The following F13A1 variants were observed in gnomAD, a reference collection of about 807,000 sequenced individuals.
F13A1 encodes coagulation factor XIII A chain.
Under a neutral mutation model 80.1 loss-of-function variants are expected in F13A1, and 47 were observed. That is an observed-to-expected ratio of 0.59 (90% CI 0.46 to 0.75). The LOEUF (loss-of-function observed/expected upper bound fraction) is 0.75. F13A1 is among the 30% of genes least tolerant of loss of function. F13A1 has a pLI of 0.00. For synonymous variants in F13A1, 349 were observed against 344.9 expected, an observed-to-expected ratio of 1.01 and a Z score of -0.13; for missense variants, 817 against 930.4, an observed-to-expected ratio of 0.88 and a Z score of 1.59.
chr6:6,190,129 AT>A (rs1295747110), intron 10 of F13A1, among the ~76,000 whole-genome samples: 4 of 151,520 alleles, frequency 2.6e-5, no homozygotes, highest in Non-Finnish European at 5.9e-5. Flanking sequence ...ATTCTTCTAA[AT>A]TTTTTTCAAA....
intron 8 of F13A1, 135 bp from the exon 9 acceptor site, chr6:6,197,461 C>T (rs986196159): frequency 8.8e-5 from 69 of 781,640 alleles, no homozygotes; most frequent in Admixed American, 3.8e-4. Flanking sequence ...AGGTGAGTCA[C>T]AAGGTCAAGA....
chr6:6,229,786 A>T (rs925755303), intron 6 of F13A1, among the ~76,000 whole-genome samples: 11 of 152,346 alleles, frequency 7.2e-5, no homozygotes, highest in Admixed American at 4.6e-4. Flanking sequence ...CAACTATGCA[A>T]GTGGGAAAGG....
Position 6,266,450 on chromosome 6 carries a change from G to A in F13A1, c.571+108C>T, listed in dbSNP as rs567438292. ...AGGTCTCAAACTCCTGGCCTCAAGC[G>A]ATCCTCCCATCTTGGCCTCCCAAAG... On this transcript the variant is annotated intron_variant, in intron 4 of 14. Coordinates refer to ENST00000264870, the MANE Select transcript of F13A1 (RefSeq NM_000129.4). The A allele has an allele frequency of 7.6e-5, 118 of 1,551,686 alleles. No homozygotes were observed. The Middle Eastern group carries it at 1.5e-3, about 20-fold the overall frequency.
chr6:6,156,227 T>C lies in F13A1; in HGVS notation c.1909-4278A>G, dbSNP rs370326094. Among the ~76,000 whole-genome samples the C allele has an allele frequency of 3.3e-5, 5 of 152,358 alleles. No homozygotes were observed. The South Asian group carries it at 8.3e-4, about 25-fold the overall frequency. On this transcript the variant is annotated intron_variant, in intron 13 of 14. Coordinates refer to ENST00000264870, the MANE Select transcript of F13A1 (RefSeq NM_000129.4). Reference sequence around the variant, plus strand: ...TACATATCACTTACTGATATTGACATTCCTGTCCTTTATACTAATTCATGA... The same window carrying C: ...TACATATCACTTACTGATATTGACACTCCTGTCCTTTATACTAATTCATGA...
chr6:6,240,046 C>T lies in F13A1; in HGVS notation c.798+8266G>A, dbSNP rs955171818. Reference sequence around the variant, plus strand: ...CCCAGGAGACCAGAGCAGCACCAACCGCTCAGCTTGGAGGGAGTGCTGTAA... The same window carrying T: ...CCCAGGAGACCAGAGCAGCACCAACTGCTCAGCTTGGAGGGAGTGCTGTAA... On this transcript the variant is annotated intron_variant, in intron 6 of 14. Transcript: ENST00000264870. 7.2e-5 allele frequency among the ~76,000 whole-genome samples: 11 copies of T among 152,230 alleles called. No individual in the cohort carries two copies. In the East Asian group the frequency reaches 1.5e-3, roughly 21 times the overall value.
intron 3 of F13A1, among the ~76,000 whole-genome samples, chr6:6,269,496 AAAG>A (rs1389428413): frequency 2.0e-5 from 3 of 151,652 alleles, no homozygotes; most frequent in Non-Finnish European, 4.4e-5. Flanking sequence ...AGAAGTAAAA[AAAG>A]AAAAAAAAAA....
At position 6,187,666 on chromosome 6, in the gene F13A1, T is replaced by C. The variant is rs1234158418; in HGVS notation, c.1306-5525A>G. ...TTTTTGCATCAATGTTCATCAAGGA[T>C]ATTGGTCTAAAATTCTCTTTTTTTT... On this transcript the variant is annotated intron_variant, in intron 10 of 14. Coordinates refer to ENST00000264870, the MANE Select transcript of F13A1 (RefSeq NM_000129.4). Among the ~76,000 whole-genome samples, 4 of 72,514 alleles carry C rather than the reference T, an allele frequency of 5.5e-5. 1 individual carries two copies. The highest frequency in any genetic ancestry group is 1.1e-4 in the Non-Finnish European group (4 of 37,746). 47.6% of individuals were successfully genotyped at this position (72,514 alleles called of 152,430 possible).
At chr6:6,251,156 C>T (rs1757626870) in intron 4 of F13A1, among the ~76,000 whole-genome samples, 1 of 152,146 alleles carries the variant, frequency 6.6e-6, no homozygotes. Flanking sequence ...TAGCAAAATG[C>T]TGACGAACTC....
intron 13 of F13A1, among the ~76,000 whole-genome samples, chr6:6,157,593 T>C (rs1297791004): frequency 6.6e-6 from 1 of 152,210 alleles, no homozygotes; most frequent in Non-Finnish European, 1.5e-5. Context: ...ACCTCTCTCT[T>C]TTTGACTTTA....
intron 11 of F13A1, among the ~76,000 whole-genome samples, chr6:6,176,820 A>AGAGAG (rs1173278270): frequency 1.3e-5 from 2 of 152,206 alleles, no homozygotes; most frequent in African/African-American, 4.8e-5. Context: ...GGAACACATC[A>AGAGAG]GAGAGGAGCT....
intron 8 of F13A1, among the ~76,000 whole-genome samples, chr6:6,221,212 G>A (rs578006338): frequency 4.6e-5 from 7 of 152,010 alleles, no homozygotes; most frequent in African/African-American, 9.7e-5. Flanking sequence ...GATTTTTTTC[G>A]TTTCTTCTTA....
intron 10 of F13A1, among the ~76,000 whole-genome samples, chr6:6,187,598 T>C (rs1761101979): frequency 8.5e-6 from 1 of 117,702 alleles, no homozygotes; most frequent in Admixed American, 9.2e-5. Flanking sequence ...AATAAGCTTT[T>C]TGATGTGCTG....
rs1757519847 is a variant in F13A1 at position 6,243,887 on chromosome 6, A to G, written c.798+4425T>C. Among the ~76,000 whole-genome samples the G allele has an allele frequency of 6.6e-6, 1 of 152,248 alleles. No homozygotes were observed. The highest frequency in any genetic ancestry group is 1.5e-5 in the Non-Finnish European group (1 of 68,038). On this transcript the variant is annotated intron_variant, in intron 6 of 14. Transcript: ENST00000264870. This position sits in a 1 kb window ranked among gnomAD's most constrained non-coding sequence, Gnocchi z 4.2. Reference sequence around the variant, plus strand: ...CAGTGAATAACGAGCCTTTATCTGCAGTAGCGGCAGCCTTTGCAGAAGCAG... The same window carrying G: ...CAGTGAATAACGAGCCTTTATCTGCGGTAGCGGCAGCCTTTGCAGAAGCAG...
intron 4 of F13A1, among the ~76,000 whole-genome samples, chr6:6,255,691 G>A (rs1172516310): frequency 6.6e-6 from 1 of 152,022 alleles, no homozygotes; most frequent in Non-Finnish European, 1.5e-5. Flanking sequence ...TGATAGAGAG[G>A]AGTTCTGGAG....
At chr6:6,285,184 G>A (rs1463074938) in intron 3 of F13A1, among the ~76,000 whole-genome samples, 3 of 152,344 alleles carry the variant, frequency 2.0e-5, no homozygotes, top group East Asian at 3.9e-4. Context: ...GGGAGGCAGA[G>A]GTTGCAGTGA....
intron 13 of F13A1, among the ~76,000 whole-genome samples, chr6:6,164,664 C>A (rs766702488): frequency 6.7e-6 from 1 of 148,252 alleles, no homozygotes; most frequent in African/African-American, 2.5e-5. Context: ...CCCCCATTCT[C>A]GCTCCTTTTT....
intron 8 of F13A1, among the ~76,000 whole-genome samples, chr6:6,212,177 A>G (rs1761629140): frequency 6.6e-6 from 1 of 150,758 alleles, no homozygotes; most frequent in Non-Finnish European, 1.5e-5. Context: ...GGAGCCCACC[A>G]CAGCTCAAGG....
chr6:6,311,611 T>TCA (rs2113195166), intron 2 of F13A1, among the ~76,000 whole-genome samples: 1 of 148,156 alleles, frequency 6.7e-6, no homozygotes, highest in East Asian at 1.9e-4. Context: ...ATATATATGT[T>TCA]TATATATAAT....
At chr6:6,246,215 G>T (rs1757553968) in intron 6 of F13A1, among the ~76,000 whole-genome samples, 1 of 152,196 alleles carries the variant, frequency 6.6e-6, no homozygotes, top group African/African-American at 2.4e-5. Context: ...TTGTGAACGG[G>T]AGAGTATCTG....
Sources: allele counts gnomAD v4.1 joint callset (sites outside exome capture counted in the v4.1 genomes callset), GRCh38; gene constraint gnomAD v4.1.1; non-coding constraint Gnocchi (gnomAD v3.1); transcripts MANE v1.5; gene names NCBI Gene and HGNC (gene_info 2026-07-23, HGNC 2026-07-21).